The following CCDC141 variants were observed in gnomAD, a reference collection of about 807,000 sequenced individuals.
The protein encoded by CCDC141 is coiled-coil domain containing 141.
Under a neutral mutation model 181.0 loss-of-function variants are expected in CCDC141, and 168 were observed. That is an observed-to-expected ratio of 0.93 (90% CI 0.82 to 1.05). CCDC141 has a LOEUF of 1.05. Ranked by LOEUF, CCDC141 falls within the 50% of genes least tolerant of loss-of-function variation. The probability of loss-of-function intolerance (pLI) is 0.00; values close to 1 mark genes in which losing one functional copy is unlikely to be tolerated. For synonymous variants in CCDC141, 666 were observed against 642.3 expected (o/e 1.04, Z -0.56); for missense variants, 1,902 against 1,788.5 (o/e 1.06, Z -1.14).
chr2:178,945,776 T>G lies in CCDC141; in HGVS notation c.781-1125A>C, dbSNP rs1275309755. On this transcript the variant is annotated intron_variant, in intron 5 of 23. Transcript: ENST00000443758. The stretch of plus-strand genomic sequence containing the variant: ...TCTGAAATCCTATAACATGGAGAAA[T>G]GTGTACAACAGGTAGCCAAGGAGAA... 2.0e-5 allele frequency among the ~76,000 whole-genome samples: 3 copies of G among 151,958 alleles called. No individual in the cohort carries two copies. The East Asian group carries it at 5.8e-4, about 29-fold the overall frequency.
chr2:178,899,991 T>C (rs1487345775), intron 8 of CCDC141, among the ~76,000 whole-genome samples: 2 of 152,158 alleles, frequency 1.3e-5, no homozygotes, highest in Admixed American at 6.6e-5. Context: ...GTTCAATTTT[T>C]AATGGGTTTT....
chr2:179,044,071 A>G (rs993129646), intron 2 of CCDC141, among the ~76,000 whole-genome samples: 3 of 152,196 alleles, frequency 2.0e-5, no homozygotes, highest in African/African-American at 7.2e-5. Context: ...CACAAAAAGA[A>G]TAAAATACCT....
intron 2 of CCDC141, among the ~76,000 whole-genome samples, chr2:178,986,424 T>A (rs1691742378): frequency 1.3e-5 from 2 of 152,218 alleles, no homozygotes. Context: ...GGATGCCCTC[T>A]GTCACCACTC....
chr2:178,931,073 A>G (rs1689079745), intron 6 of CCDC141, among the ~76,000 whole-genome samples: 1 of 152,218 alleles, frequency 6.6e-6, no homozygotes, highest in African/African-American at 2.4e-5. Context: ...AAAGATCTGC[A>G]ACATCATTAG....
chr2:178,933,415 C>G (rs973750467), intron 6 of CCDC141, among the ~76,000 whole-genome samples: 1 of 152,152 alleles, frequency 6.6e-6, no homozygotes, highest in Non-Finnish European at 1.5e-5. Flanking sequence ...TGTTAAAACA[C>G]AGTCTCATTC....
chr2:179,028,900 T>C lies in CCDC141; in HGVS notation c.225+18384A>G, dbSNP rs577659745. ...CCACATATAGTTATAAAGGCAACCT[T>C]CGTAAAACTCTATTTTGTTAAATCT... On this transcript the variant is annotated intron_variant, in intron 2 of 23. Coordinates refer to ENST00000443758, the MANE Select transcript of CCDC141 (RefSeq NM_173648.4). Among the ~76,000 whole-genome samples, 6 of 152,288 alleles carry C rather than the reference T, an allele frequency of 3.9e-5. No homozygotes were observed. In the East Asian group the frequency reaches 1.2e-3, roughly 29 times the overall value.
chr2:178,885,252 A>AATTCT (rs2154370559), intron 10 of CCDC141, among the ~76,000 whole-genome samples, 160 bp from the exon 11 acceptor site: 1 of 152,176 alleles, frequency 6.6e-6, no homozygotes, highest in Admixed American at 6.5e-5. Flanking sequence ...TCTAAAAAAA[A>AATTCT]AAAAAAGGGC....
intron 5 of CCDC141, among the ~76,000 whole-genome samples, chr2:178,954,083 G>C (rs76747452): frequency 0.016 from 2,415 of 152,296 alleles, 64 homozygotes; most frequent in African/African-American, 0.056. Flanking sequence ...GTGGTAAAAA[G>C]AGATTGTCTG....
chr2:178,996,336 C>A (rs1692286643), intron 2 of CCDC141, among the ~76,000 whole-genome samples: 1 of 152,036 alleles, frequency 6.6e-6, no homozygotes, highest in Non-Finnish European at 1.5e-5. Flanking sequence ...CCTTGGCCTC[C>A]CAAAGTGCTG....
At chr2:178,903,067 A>C (rs1429049634) in intron 8 of CCDC141, among the ~76,000 whole-genome samples, 5 of 150,366 alleles carry the variant, frequency 3.3e-5, no homozygotes, top group African/African-American at 1.2e-4. Context: ...ATACCATCTC[A>C]CACCAGTCAG....
rs953644365 is a variant in CCDC141 at position 178,871,467 on chromosome 2, T to C, written c.2165A>G (p.Asp722Gly). ...DLGGSLQFIL[D>G]LRQKWNDMKP... ...CATGTCATTCCATTTTTGTCGTAGA[T>C]CTAAAATGAACTGGAGGCTCCCTCC... Residue 722 changes from aspartate (D) to glycine (G), a missense_variant, in exon 14 of 24, where the codon GAT (aspartate) becomes GGT (glycine). Transcript: ENST00000443758. The C allele has an allele frequency of 6.2e-7, 1 of 1,613,924 alleles. No homozygotes were observed. Among genetic ancestry groups the C allele is most frequent in the Non-Finnish European group, 8.5e-7 (1 of 1,179,856 alleles).
rs1484614834 is a variant in CCDC141 at position 178,871,422 on chromosome 2, T to C, written c.2205+5A>G. ...TCACCCAAATCCAGCAATATATTTCTTCACCTGGAACTGAGGCTTCATGTC... is the reference window on the plus strand; with the variant it reads ...TCACCCAAATCCAGCAATATATTTCCTCACCTGGAACTGAGGCTTCATGTC... On this transcript the variant is annotated splice_donor_5th_base_variant and intron_variant, in intron 14 of 23. Transcript: ENST00000443758. 2.5e-6 allele frequency: 4 copies of C among 1,611,002 alleles called. No homozygotes were observed. The highest frequency in any genetic ancestry group is 3.4e-6 in the Non-Finnish European group (4 of 1,179,090).
chr2:178,980,512 T>A (rs769485129), intron 2 of CCDC141, among the ~76,000 whole-genome samples: 1 of 152,094 alleles, frequency 6.6e-6, no homozygotes, highest in South Asian at 2.1e-4. Flanking sequence ...TGGAAAGTAG[T>A]CAAAGATTTA....
At chr2:178,853,866 A>C (rs1423576576) in intron 19 of CCDC141, among the ~76,000 whole-genome samples, 1 of 152,226 alleles carries the variant, frequency 6.6e-6, no homozygotes, top group Non-Finnish European at 1.5e-5. Context: ...GAAAGTAAAA[A>C]TATGAAAATA....
At position 178,909,718 on chromosome 2, in the gene CCDC141, C is replaced by A. The variant is rs58820196; in HGVS notation, c.1093-4217G>T. On this transcript the variant is annotated intron_variant, in intron 7 of 23. Transcript: ENST00000443758. Reference sequence around the variant, plus strand: ...TCTATTTACCATACCCATAAAGAACCTGATATATCGGACCCAGCCTGGAAA... The same window carrying A: ...TCTATTTACCATACCCATAAAGAACATGATATATCGGACCCAGCCTGGAAA... Among the ~76,000 whole-genome samples the A allele has an allele frequency of 8.9e-3, 1,355 of 152,244 alleles. 24 individuals carry two copies. The highest frequency in any genetic ancestry group is 0.031 in the African/African-American group (1,303 of 41,534).
At chr2:178,929,575 C>T (rs1230410945) in intron 6 of CCDC141, among the ~76,000 whole-genome samples, 1 of 151,972 alleles carries the variant, frequency 6.6e-6, no homozygotes, top group African/African-American at 2.4e-5. Context: ...AAATACTTGT[C>T]TTTTGATCTT....
chr2:178,820,936 G>A, the CCDC141 span, among the ~76,000 whole-genome samples: 6 of 152,076 alleles, frequency 3.9e-5, no homozygotes, highest in Non-Finnish European at 8.8e-5. Context: ...TGTTAAAGAT[G>A]TCAAAGTGAC....
At position 178,850,093 on chromosome 2, in the gene CCDC141, TCA is replaced by T. The variant is rs1444246249; in HGVS notation, c.3311_3312del (p.Val1104AspfsTer2). The T allele has an allele frequency of 6.2e-7, 1 of 1,610,792 alleles. No individual in the cohort carries two copies. Among genetic ancestry groups the T allele is most frequent in the African/African-American group, 1.3e-5 (1 of 74,818 alleles). On this transcript the variant is annotated frameshift_variant, in exon 21 of 24. Transcript: ENST00000443758. LOFTEE classifies it high-confidence loss of function. The part of the protein sequence containing the change: ...VTKHKEVLES[V>X]TELCESLTEL... ...TCTGTGAGGGACTCACATAATTCAG[TCA>T]CAGATTCAAGAACCTCTTTGTGTTT...
intron 5 of CCDC141, among the ~76,000 whole-genome samples, chr2:178,953,444 A>T (rs1559003882): frequency 6.6e-6 from 1 of 151,996 alleles, no homozygotes; most frequent in Non-Finnish European, 1.5e-5. Flanking sequence ...CTCAAAAAAA[A>T]AAAAAAATGC....
Sources: allele counts gnomAD v4.1 joint callset (sites outside exome capture counted in the v4.1 genomes callset), GRCh38; gene constraint gnomAD v4.1.1; transcripts MANE v1.5; gene names NCBI Gene and HGNC (gene_info 2026-07-23, HGNC 2026-07-21).